MRO: variants seen among roughly 807,000 people sequenced by gnomAD.
MRO encodes the protein maestro, also known as protein maestro.
A neutral mutation model predicts 31.0 loss-of-function variants in MRO; 28 were observed. The observed-to-expected ratio is 0.90, with a 90% CI of 0.67 to 1.24. The LOEUF is 1.24. Ranked by LOEUF, MRO falls within the 50% of genes most tolerant of loss-of-function variation. MRO has a pLI of 0.00. For missense variants in MRO, 332 were observed against 289.2 expected, an observed-to-expected ratio of 1.15 and a Z score of -1.07; for synonymous variants, 108 against 108.4, an observed-to-expected ratio of 1.00 and a Z score of 0.02.
At chr18:50,803,300 G>A (rs923755224) in intron 5 of MRO, among the ~76,000 whole-genome samples, 46 of 151,924 alleles carry the variant, frequency 3.0e-4, no homozygotes, top group Non-Finnish European at 4.3e-4. Flanking sequence ...GCTTGAGCCC[G>A]GTCAGAGACC....
intron 2 of MRO, among the ~76,000 whole-genome samples, chr18:50,813,986 A>C (rs775572702): frequency 6.6e-6 from 1 of 152,172 alleles, no homozygotes; most frequent in African/African-American, 2.4e-5. Flanking sequence ...CCCTGAAACT[A>C]AAATAAAATT....
Position 50,799,193 on chromosome 18 carries a change from C to T in MRO, c.*144G>A. The T allele has an allele frequency of 6.0e-6, 4 of 667,050 alleles. No individual in the cohort carries two copies. The highest frequency in any genetic ancestry group is 1.1e-5 in the Non-Finnish European group (4 of 373,494). 41.3% of individuals were successfully genotyped at this position (667,050 alleles called of 1,614,324 possible). A position where few individuals can be genotyped will look rare whatever the true frequency, so the allele number is the denominator to read the frequency against. ...CATACAATTCCATGTATTATTTTTGCCTTTGATTGCTCTCCCAGCACCCTC... is the reference window on the plus strand; with the variant it reads ...CATACAATTCCATGTATTATTTTTGTCTTTGATTGCTCTCCCAGCACCCTC... On this transcript the variant is annotated 3_prime_UTR_variant, in exon 8 of 8. Coordinates refer to ENST00000398439, the MANE Select transcript of MRO (RefSeq NM_031939.6).
rs1913308867 is a variant in MRO at position 50,801,459 on chromosome 18, A to G, written c.475T>C (p.Leu159=). ...RYSAFVLFGQ[L]AAFAGRKWKK... is the part of the protein sequence containing the mutation. ...CATTTCCTCCCGGCAAAGGCAGCCA[A>G]TTGCCCAAACAAAACAAAGGCCGAG... The change falls in exon 6 of 8, where the codon TTG becomes CTG. Residue 159 remains leucine (L), a synonymous_variant. Coordinates refer to ENST00000398439, the MANE Select transcript of MRO (RefSeq NM_031939.6). 6.2e-7 allele frequency: 1 copy of G among 1,612,214 alleles called. No individual in the cohort carries two copies. Among genetic ancestry groups the G allele is most frequent in the African/African-American group, 1.3e-5 (1 of 74,868 alleles).
rs541924401 is a variant in MRO, at chr18:50,797,610, C to T, written c.*1727G>A. On this transcript the variant is annotated 3_prime_UTR_variant, in exon 8 of 8. Coordinates refer to ENST00000398439, the MANE Select transcript of MRO (RefSeq NM_031939.6). ...GGTTTTTCTACTCCAGAGCACGTAA[C>T]CCCACCCATCTCACCCTATCCCCAC... 2 of 152,362 alleles carry T rather than the reference C, an allele frequency of 1.3e-5. No homozygotes were observed. The highest frequency in any genetic ancestry group is 2.1e-4 in the South Asian group (1 of 4,830). 9.4% of individuals were successfully genotyped at this position (152,362 alleles called of 1,614,324 possible).
Position 50,801,498 on chromosome 18 carries a change from C to T in MRO, c.436G>A (p.Asp146Asn), listed in dbSNP as rs34421198. The stretch of plus-strand genomic sequence containing the variant: ...ACAAAGGCCGAGTATCTCAGACTGT[C>T]GTTCTCCTGCGGTCCCCATCAACAA... ...QTRTLLDDEN[D>N]SLRYSAFVLF... The change falls in exon 6 of 8, where the codon GAC (aspartate) becomes AAC (asparagine). Residue 146 changes from aspartate to asparagine, a missense_variant. Transcript: ENST00000398439. The T allele has an allele frequency of 2.4e-3, 3,835 of 1,591,168 alleles. 45 individuals carry two copies. The highest frequency in any genetic ancestry group is 0.015 in the South Asian group (1,310 of 87,074).
Position 50,808,484 on chromosome 18 carries a change from C to T in MRO, c.99+818G>A, listed in dbSNP as rs1282529075. Among the ~76,000 whole-genome samples, 5 of 145,754 alleles carry T rather than the reference C, an allele frequency of 3.4e-5. No individual in the cohort carries two copies. The East Asian group carries it at 1.0e-3, about 30-fold the overall frequency. ...TTTTTTTTTTTTTAATTTAAGACAG[C>T]GTCTCGCTCTGTCGCCCAGGCTGCA... On this transcript the variant is annotated intron_variant, in intron 3 of 7. Coordinates refer to ENST00000398439, the MANE Select transcript of MRO (RefSeq NM_031939.6).
intron 3 of MRO, among the ~76,000 whole-genome samples, chr18:50,807,612 C>G (rs929192229): frequency 6.6e-6 from 1 of 150,936 alleles, no homozygotes; most frequent in African/African-American, 2.4e-5. Context: ...CAGCACTGAT[C>G]TAGTACACAT....
At position 50,805,149 on chromosome 18, in the gene MRO, C is replaced by T. The variant is rs773168589; in HGVS notation, c.429+5G>A. The T allele has an allele frequency of 1.9e-6, 3 of 1,606,902 alleles. No homozygotes were observed. Among genetic ancestry groups the T allele is most frequent in the Non-Finnish European group, 2.6e-6 (3 of 1,174,068 alleles). On this transcript the variant is annotated splice_donor_5th_base_variant and intron_variant, in intron 5 of 7. Transcript: ENST00000398439. ...AATAACCCAGAATTTTTCTGATTTA[C>T]TTACGTCATCTAATAAAGTCCTGGT...
chr18:50,819,406 T>C, intron 2 of MRO, 175 bp downstream of exon 2: 1 of 984,528 alleles, frequency 1.0e-6, no homozygotes, highest in Non-Finnish European at 1.2e-6. Context: ...ATCAGCTTCC[T>C]GGTCAACATT....
intron 2 of MRO, among the ~76,000 whole-genome samples, chr18:50,812,993 G>A (rs1326340998): frequency 1.3e-5 from 2 of 152,120 alleles, no homozygotes; most frequent in African/African-American, 2.4e-5. Flanking sequence ...CAGGGACATG[G>A]GACTTTCATT....
chr18:50,802,168 A>G (rs763188481), intron 5 of MRO, among the ~76,000 whole-genome samples: 5 of 151,928 alleles, frequency 3.3e-5, no homozygotes, highest in Non-Finnish European at 5.9e-5. Context: ...AATTCATTCA[A>G]CCAGTTCCCT....
At chr18:50,817,998 C>A (rs1055328067) in intron 2 of MRO, among the ~76,000 whole-genome samples, 1 of 128,212 alleles carries the variant, frequency 7.8e-6, no homozygotes, top group African/African-American at 3.1e-5. Flanking sequence ...ACTCCCACCC[C>A]CCGCCCCATG....
upstream of MRO, among the ~76,000 whole-genome samples, chr18:50,821,915 C>T (rs1156292943): frequency 6.6e-6 from 1 of 152,140 alleles, no homozygotes; most frequent in Non-Finnish European, 1.5e-5. Context: ...CTAACTGCCC[C>T]TAGAGAATCC....
intron 7 of MRO, 114 bp downstream of exon 7, chr18:50,799,922 T>C (rs893524325): frequency 2.7e-6 from 2 of 728,390 alleles, no homozygotes; most frequent in African/African-American, 1.8e-5. Flanking sequence ...ATAAACATAG[T>C]TGGCCTGAGT....
intron 2 of MRO, chr18:50,815,287 T>C: frequency 7.6e-6 from 2 of 263,392 alleles, no homozygotes; most frequent in Middle Eastern, 9.2e-4. Context: ...GCAACTTGGC[T>C]GGTCATGGAG....
At chr18:50,802,696 G>T (rs1033504863) in intron 5 of MRO, among the ~76,000 whole-genome samples, 1 of 151,662 alleles carries the variant, frequency 6.6e-6, no homozygotes, top group African/African-American at 2.4e-5. Flanking sequence ...TACAGAAATT[G>T]TCTTAGGGTT....
intron 3 of MRO, 21 bp from the exon 4 acceptor site, chr18:50,806,871 G>T (rs1393094299): frequency 6.2e-7 from 1 of 1,613,238 alleles, no homozygotes; most frequent in East Asian, 2.2e-5. Context: ...GGTCAAAAAT[G>T]TATTAATTTG....
At chr18:50,814,693 G>A (rs11082851) in intron 2 of MRO, 70,749 of 188,174 alleles carry the variant, frequency 0.38, 13,926 homozygotes, top group South Asian at 0.53. Flanking sequence ...AATGTTTGTC[G>A]GGAAGTAATA....
intron 6 of MRO, among the ~76,000 whole-genome samples, chr18:50,801,043 C>T (rs1913262003): frequency 6.6e-6 from 1 of 152,110 alleles, no homozygotes; most frequent in Non-Finnish European, 1.5e-5. Flanking sequence ...AATAAATATC[C>T]TCATTATGTG....
Sources: gnomAD v4.1 joint callset for allele counts (sites outside exome capture counted in the v4.1 genomes callset) on GRCh38, gnomAD v4.1.1 for gene constraint, MANE v1.5 for transcripts, NCBI Gene and HGNC (gene_info 2026-07-23, HGNC 2026-07-21) for gene names.